Variants in EED observed in about 807,000 individuals in gnomAD.
EED encodes embryonic ectoderm development.
Under a neutral mutation model 61.0 loss-of-function variants are expected in EED, and 9 were observed. The observed-to-expected ratio is 0.15, with a 90% CI of 0.09 to 0.26. EED has a LOEUF of 0.26. Ranked by LOEUF, EED falls within the 10% of genes least tolerant of loss-of-function variation. The pLI, the probability that EED is intolerant of heterozygous loss-of-function variation, is 1.00. For synonymous variants in EED, 187 were observed against 174.4 expected, an observed-to-expected ratio of 1.07 and a Z score of -0.57; for missense variants, 315 against 542.3, an observed-to-expected ratio of 0.58 and a Z score of 4.16.
At chr11:86,262,925 C>T (rs1945870962) in intron 6 of EED, among the ~76,000 whole-genome samples, 1 of 151,822 alleles carries the variant, frequency 6.6e-6, no homozygotes, top group Non-Finnish European at 1.5e-5. Context: ...GATCCTCTTG[C>T]CTCAGTCCCC....
chr11:86,277,840 GCTGT>G, intron 10 of EED, 74 bp from the exon 11 acceptor site: 1 of 1,376,008 alleles, frequency 7.3e-7, no homozygotes, highest in Non-Finnish European at 9.6e-7. Flanking sequence ...AAACAAGAAA[GCTGT>G]CTGAGGATTC....
intron 6 of EED, among the ~76,000 whole-genome samples, chr11:86,262,860 G>T: frequency 6.7e-6 from 1 of 150,236 alleles, no homozygotes; most frequent in Non-Finnish European, 1.5e-5. Context: ...TGTCACCCAG[G>T]CAGTGCAGTG....
At chr11:86,280,180 TC>T (rs927421233), downstream of EED, among the ~76,000 whole-genome samples, 1 of 152,194 alleles carries the variant, frequency 6.6e-6, no homozygotes, top group Non-Finnish European at 1.5e-5. Context: ...AACCTCTGTC[TC>T]CCAGGCTCAA....
At chr11:86,284,884 G>A in the EED span, among the ~76,000 whole-genome samples, 3 of 152,138 alleles carry the variant, frequency 2.0e-5, no homozygotes, top group Non-Finnish European at 4.4e-5. Context: ...GGCTGAGGTG[G>A]GCGGATCATC....
chr11:86,286,333 G>A, the EED span, among the ~76,000 whole-genome samples: 1 of 152,202 alleles, frequency 6.6e-6, no homozygotes, highest in East Asian at 1.9e-4. Context: ...GAGCCACTGT[G>A]CCTGGCTGAG....
In EED at chr11:86,278,421, A is replaced by C; in HGVS notation, c.1222A>C (p.Lys408Gln). ...TAGATGTACAACACTGACTCATCAT[A>C]AATGTGGTGCTGCTATTCGACAAAC... ...KAKCTTLTHHKCGAAIRQTSF... is the reference protein window; with the variant it reads ...KAKCTTLTHHQCGAAIRQTSF... The change falls in exon 12 of 12, where the codon AAA (lysine) becomes CAA (glutamine). Residue 408 changes from lysine to glutamine, a missense_variant. Coordinates refer to ENST00000263360, the MANE Select transcript of EED (RefSeq NM_003797.5). The C allele has an allele frequency of 6.2e-7, 1 of 1,613,474 alleles. No individual in the cohort carries two copies. The highest frequency in any genetic ancestry group is 8.5e-7 in the Non-Finnish European group (1 of 1,179,776).
At chr11:86,283,889 T>C in the EED span, 35 of 151,398 alleles carry the variant, frequency 2.3e-4, 1 homozygote, top group African/African-American at 8.2e-4. Flanking sequence ...GAAGGAAATA[T>C]TTGAAGAGGT....
chr11:86,257,456 T>A (rs1481175329), intron 5 of EED, 59 bp from the exon 6 acceptor site: 18 of 1,396,654 alleles, frequency 1.3e-5, no homozygotes, highest in Non-Finnish European at 1.8e-5. Flanking sequence ...TAAAGATTTA[T>A]GAAAAAAAAT....
chr11:86,282,114 A>G (rs1809420048), downstream of EED, among the ~76,000 whole-genome samples: 1 of 152,254 alleles, frequency 6.6e-6, no homozygotes, highest in African/African-American at 2.4e-5. Flanking sequence ...TTCGAAGCAC[A>G]TCCCAGACTT....
At chr11:86,261,948 G>A (rs1380940490) in intron 6 of EED, among the ~76,000 whole-genome samples, 16 of 152,204 alleles carry the variant, frequency 1.1e-4, no homozygotes, top group Non-Finnish European at 2.4e-4. Flanking sequence ...TTATCCCATT[G>A]TCTTGGTGAA....
At chr11:86,260,700 A>G (rs752179677) in intron 6 of EED, among the ~76,000 whole-genome samples, 3 of 152,202 alleles carry the variant, frequency 2.0e-5, no homozygotes, top group Non-Finnish European at 4.4e-5. Flanking sequence ...GGTGAAGGGA[A>G]AAGCTAGTAT....
Position 86,266,849 on chromosome 11 carries a change from C to T in EED, c.860+633C>T, listed in dbSNP as rs141188050. Among the ~76,000 whole-genome samples the T allele has an allele frequency of 8.2e-3, 1,247 of 152,190 alleles. 58 individuals carry two copies. The highest frequency in any genetic ancestry group is 0.073 in the Admixed American group (1,121 of 15,296). On this transcript the variant is annotated intron_variant, in intron 8 of 11. Coordinates refer to ENST00000263360, the MANE Select transcript of EED (RefSeq NM_003797.5). The stretch of plus-strand genomic sequence containing the variant: ...CTGTCATTAACACTTTCACTATAAA[C>T]GTTGTATGTCTGCATGTTAACTTTG...
In EED at chr11:86,269,191, A is replaced by G. The variant is rs1206996658; in HGVS notation, c.966+630A>G. ...TATAATAAAGCATTGAATATCTCAC[A>G]TACTGCATACTGCTAGCCCAGGAAA... On this transcript the variant is annotated intron_variant, in intron 9 of 11. Coordinates refer to ENST00000263360, the MANE Select transcript of EED (RefSeq NM_003797.5). 3.3e-5 allele frequency among the ~76,000 whole-genome samples: 5 copies of G among 152,244 alleles called. No individual in the cohort carries two copies. In the East Asian group the frequency reaches 9.6e-4, roughly 29 times the overall value.
At chr11:86,265,140 C>A (rs946465261) in intron 7 of EED, 4 of 152,154 alleles carry the variant, frequency 2.6e-5, no homozygotes, top group Non-Finnish European at 2.9e-5. Flanking sequence ...GGTATTGTCT[C>A]GAAGGATGTC....
rs1941454182 is a variant in EED, at chr11:86,247,438, T to G, written c.114+2095T>G. 2.0e-5 allele frequency among the ~76,000 whole-genome samples: 3 copies of G among 152,226 alleles called. No individual in the cohort carries two copies. The South Asian group carries it at 6.2e-4, about 31-fold the overall frequency. On this transcript the variant is annotated intron_variant, in intron 1 of 11. Coordinates refer to ENST00000263360, the MANE Select transcript of EED (RefSeq NM_003797.5). ...TACTATATGTACTTTATTAGCACATTAAGTAACAAGATCTAGCAGCGGGTC... is the reference window on the plus strand; with the variant it reads ...TACTATATGTACTTTATTAGCACATGAAGTAACAAGATCTAGCAGCGGGTC...
downstream of EED, among the ~76,000 whole-genome samples, chr11:86,281,749 G>T (rs1946326419): frequency 6.6e-6 from 1 of 152,072 alleles, no homozygotes; most frequent in Admixed American, 6.6e-5. Context: ...CGAACTCCTG[G>T]GTCCAAGTGA....
downstream of EED, among the ~76,000 whole-genome samples, chr11:86,279,158 T>G (rs1369798947): frequency 6.6e-6 from 1 of 152,282 alleles, no homozygotes; most frequent in Non-Finnish European, 1.5e-5. Flanking sequence ...AAGTAATATT[T>G]AAAATTCTAC....
At chr11:86,246,011 G>C (rs1945382777) in intron 1 of EED, among the ~76,000 whole-genome samples, 1 of 152,194 alleles carries the variant, frequency 6.6e-6, no homozygotes, top group African/African-American at 2.4e-5. Flanking sequence ...ATAAAGGTGA[G>C]GGGGGTGGCG....
chr11:86,258,678 C>T (rs966248561), intron 6 of EED, among the ~76,000 whole-genome samples: 4 of 150,848 alleles, frequency 2.7e-5, no homozygotes, highest in Non-Finnish European at 5.9e-5. Context: ...GCCTCAGCCT[C>T]TCGAGTAGCT....
Sources: gnomAD v4.1 joint callset for allele counts (sites outside exome capture counted in the v4.1 genomes callset) on GRCh38, gnomAD v4.1.1 for gene constraint, MANE v1.5 for transcripts, NCBI Gene and HGNC (gene_info 2026-07-23, HGNC 2026-07-21) for gene names.